The following MSL2 variants were observed in gnomAD, a reference collection of about 807,000 sequenced individuals.
The protein encoded by MSL2 is E3 ubiquitin-protein ligase MSL2.
Under a neutral mutation model 35.8 loss-of-function variants are expected in MSL2, and 2 were observed. The observed-to-expected ratio is 0.06, with a 90% CI of 0.02 to 0.18. The LOEUF (loss-of-function observed/expected upper bound fraction) is 0.18, where lower values mean the gene tolerates loss of function less well. Ranked by LOEUF, MSL2 falls within the 10% of genes least tolerant of loss-of-function variation. The probability of loss-of-function intolerance (pLI) is 1.00; values close to 1 mark genes in which losing one functional copy is unlikely to be tolerated. For synonymous variants in MSL2, 296 were observed against 255.7 expected (o/e 1.16, Z -1.50); for missense variants, 523 against 706.7 (o/e 0.74, Z 2.95).
At chr3:136,154,975 C>T (rs189698707) in intron 1 of MSL2, among the ~76,000 whole-genome samples, 2 of 152,102 alleles carry the variant, frequency 1.3e-5, no homozygotes, top group Admixed American at 6.5e-5. Context: ...TTTGGGAGGC[C>T]GAGGTAGGCA....
chr3:136,152,687 T>C lies in MSL2; in HGVS notation c.194A>G (p.Tyr65Cys). The C allele has an allele frequency of 6.2e-7, 1 of 1,614,154 alleles. No individual in the cohort carries two copies. The highest frequency in any genetic ancestry group is 8.5e-7 in the Non-Finnish European group (1 of 1,180,034). ...CTTGCCTTTACAAGTTTTGCAGACATAATGTTGGCAGGTGGAGTTGGTGGG... is the reference window on the plus strand; with the variant it reads ...CTTGCCTTTACAAGTTTTGCAGACACAATGTTGGCAGGTGGAGTTGGTGGG... ...IAPTNSTCQH[Y>C]VCKTCKGKKM... Residue 65 changes from tyrosine to cysteine, a missense_variant, in exon 2 of 2, where the codon TAT (tyrosine) becomes TGT (cysteine). Physicochemically the swap from Tyr to Cys is radical, Grantham distance 194. Transcript: ENST00000309993.
chr3:136,189,752 G>C (rs1576377852), intron 1 of MSL2, among the ~76,000 whole-genome samples: 1 of 145,966 alleles, frequency 6.9e-6, no homozygotes, highest in Non-Finnish European at 1.5e-5. Context: ...ATTCTTCCCA[G>C]ATCAGAAAAC....
chr3:136,163,396 CT>C (rs1939762866), intron 1 of MSL2, among the ~76,000 whole-genome samples: 1 of 152,198 alleles, frequency 6.6e-6, no homozygotes, highest in Non-Finnish European at 1.5e-5. Context: ...GCACTATCCA[CT>C]GAAGAGGCCT....
Position 136,152,721 on chromosome 3 carries a change from G to C in MSL2, c.160C>G (p.Pro54Ala). 6.2e-7 allele frequency: 1 copy of C among 1,613,830 alleles called. No individual in the cohort carries two copies. Among genetic ancestry groups the C allele is most frequent in the Non-Finnish European group, 8.5e-7 (1 of 1,179,772 alleles). Reference protein sequence around the residue: ...CCVCGHLLQDPIAPTNSTCQH... With the variant: ...CCVCGHLLQDAIAPTNSTCQH... ...CAGGTGGAGTTGGTGGGTGCAATAG[G>C]ATCTTGTAGCAAATGTCCTAAGGGG... Residue 54 changes from proline to alanine, a missense_variant, in exon 2 of 2, where the codon CCT becomes GCT. Pro to Ala is a conservative substitution (Grantham distance 27). This residue lies in a region of MSL2 where 41 missense variants were observed against 83.3 expected (regional missense o/e 0.49). Transcript: ENST00000309993.
In MSL2 at chr3:136,152,376, C is replaced by G; in HGVS notation, c.505G>C (p.Asp169His). ...PLPSTSEPTT[D>H]PQASLSPMSE... Reference sequence around the variant, plus strand: ...ATTGGAGATAAACTAGCTTGAGGATCAGTTGTGGGTTCTGAGGTTGAAGGT... The same window carrying G: ...ATTGGAGATAAACTAGCTTGAGGATGAGTTGTGGGTTCTGAGGTTGAAGGT... The change falls in exon 2 of 2, where the codon GAT (aspartate) becomes CAT (histidine). Residue 169 changes from aspartate (D) to histidine (H), a missense_variant. Around this residue, in one of 5 missense-constraint regions of MSL2, gnomAD observed 361 missense variants for 414.6 expected, o/e 0.87. Coordinates refer to ENST00000309993, the MANE Select transcript of MSL2 (RefSeq NM_018133.4). 1 of 1,614,170 alleles carries G rather than the reference C, an allele frequency of 6.2e-7. No individual in the cohort carries two copies. Among genetic ancestry groups the G allele is most frequent in the South Asian group, 1.1e-5 (1 of 91,078 alleles).
At chr3:136,188,612 T>C (rs970592393) in intron 1 of MSL2, among the ~76,000 whole-genome samples, 1 of 151,420 alleles carries the variant, frequency 6.6e-6, no homozygotes, top group Non-Finnish European at 1.5e-5. Flanking sequence ...TAGCAGGGCA[T>C]TGATGGCGTA....
intron 1 of MSL2, among the ~76,000 whole-genome samples, chr3:136,187,948 AAAAG>A (rs1376020797): frequency 1.1e-4 from 17 of 152,248 alleles, no homozygotes; most frequent in East Asian, 3.9e-4. Context: ...TTTTTTAAAA[AAAAG>A]AAAGAAAGAA....
chr3:136,154,484 TG>T (rs1184176953), intron 1 of MSL2, among the ~76,000 whole-genome samples: 1 of 151,718 alleles, frequency 6.6e-6, no homozygotes, highest in African/African-American at 2.4e-5. Flanking sequence ...TCCAGACAAA[TG>T]GTCAGCAATT....
intron 1 of MSL2, chr3:136,153,103 G>C: frequency 2.1e-6 from 2 of 962,964 alleles, no homozygotes; most frequent in South Asian, 9.6e-5. Context: ...AGCCAGGTGT[G>C]GTGGTGTGTG....
intron 1 of MSL2, among the ~76,000 whole-genome samples, chr3:136,176,966 T>C (rs1167160534): frequency 6.6e-6 from 1 of 152,222 alleles, no homozygotes; most frequent in Non-Finnish European, 1.5e-5. Flanking sequence ...AGAAATGAAC[T>C]TGAGACCAGA....
At chr3:136,157,248 G>C (rs1158409594) in intron 1 of MSL2, among the ~76,000 whole-genome samples, 1 of 151,842 alleles carries the variant, frequency 6.6e-6, no homozygotes, top group Non-Finnish European at 1.5e-5. Context: ...AGGTCAGGAA[G>C]GCGGGCCGAT....
At chr3:136,191,853 G>C (rs538926069) in intron 1 of MSL2, among the ~76,000 whole-genome samples, 4 of 152,072 alleles carry the variant, frequency 2.6e-5, no homozygotes, top group Non-Finnish European at 5.9e-5. Context: ...AGAAGATAAA[G>C]GCAATTGGCA....
chr3:136,179,711 T>A lies in MSL2; in HGVS notation c.142+15261A>T, dbSNP rs952818008. On this transcript the variant is annotated intron_variant, in intron 1 of 1. Coordinates refer to ENST00000309993, the MANE Select transcript of MSL2 (RefSeq NM_018133.4). ...ATACTATAAAGATCATCTTAAAGCA[T>A]ACAAAGACAATTTTATCTAAATTAA... Among the ~76,000 whole-genome samples the A allele has an allele frequency of 2.4e-4, 37 of 152,258 alleles. 1 individual carries two copies. Among genetic ancestry groups the A allele is most frequent in the Admixed American group, 2.4e-3 (37 of 15,288 alleles).
At chr3:136,159,241 A>ACATG (rs754777701) in intron 1 of MSL2, among the ~76,000 whole-genome samples, 241 of 152,260 alleles carry the variant, frequency 1.6e-3, no homozygotes, top group Middle Eastern at 0.01. Flanking sequence ...AAGTATAGAC[A>ACATG]CATGCATCAG....
chr3:136,190,635 T>C (rs568425795), intron 1 of MSL2, among the ~76,000 whole-genome samples: 1 of 152,204 alleles, frequency 6.6e-6, no homozygotes, highest in Non-Finnish European at 1.5e-5. Flanking sequence ...CCATTTAACA[T>C]GACCCTCCAA....
chr3:136,171,452 G>A lies in MSL2; in HGVS notation c.143-18714C>T, dbSNP rs183557449. 9.2e-5 allele frequency among the ~76,000 whole-genome samples: 14 copies of A among 152,316 alleles called. No homozygotes were observed. The East Asian group carries it at 9.7e-4, about 11-fold the overall frequency. On this transcript the variant is annotated intron_variant, in intron 1 of 1. Transcript: ENST00000309993. ...AACCTGGAGGCACACTACTCACAAC[G>A]AAAGCATGTGACCATGAATGAGTTG...
chr3:136,156,266 G>C (rs1939517955), intron 1 of MSL2, among the ~76,000 whole-genome samples: 2 of 152,038 alleles, frequency 1.3e-5, no homozygotes, highest in South Asian at 4.1e-4. Context: ...TCTCTAAAAG[G>C]AAAAAAAGCC....
Position 136,151,074 on chromosome 3 carries a change from A to G in MSL2, c.*73T>C. On this transcript the variant is annotated 3_prime_UTR_variant, in exon 2 of 2. Transcript: ENST00000309993. This position sits in a 1 kb window ranked among gnomAD's most constrained non-coding sequence, Gnocchi z 5.2. ...ATATGCAGGAGCTCCGGCAAGTTAA[A>G]CCAACAGAACCATAGCTGCCGTAAA... 1 of 1,518,360 alleles carries G rather than the reference A, an allele frequency of 6.6e-7. No homozygotes were observed. Among genetic ancestry groups the G allele is most frequent in the Non-Finnish European group, 8.9e-7 (1 of 1,117,796 alleles). 94.1% of individuals were successfully genotyped at this position (1,518,360 alleles called of 1,614,324 possible). A position where few individuals can be genotyped will look rare whatever the true frequency, so the allele number is the denominator to read the frequency against.
At position 136,150,956 on chromosome 3, in the gene MSL2, T is replaced by G. The variant is rs140186714; in HGVS notation, c.*191A>C. The G allele has an allele frequency of 1.5e-4, 87 of 596,234 alleles. No homozygotes were observed. Among genetic ancestry groups the G allele is most frequent in the Non-Finnish European group, 2.4e-4 (82 of 341,330 alleles). 36.9% of individuals were successfully genotyped at this position (596,234 alleles called of 1,614,324 possible). On this transcript the variant is annotated 3_prime_UTR_variant, in exon 2 of 2. Coordinates refer to ENST00000309993, the MANE Select transcript of MSL2 (RefSeq NM_018133.4). Reference sequence around the variant, plus strand: ...AGGTTCTGTAAGAACTAAGGACATATAGTTGTAGGGTTACTCCTCCATTAT... The same window carrying G: ...AGGTTCTGTAAGAACTAAGGACATAGAGTTGTAGGGTTACTCCTCCATTAT...
Sources: allele counts gnomAD v4.1 joint callset (sites outside exome capture counted in the v4.1 genomes callset), GRCh38; gene constraint gnomAD v4.1.1; regional missense constraint gnomAD v4.1.1; non-coding constraint Gnocchi (gnomAD v3.1); transcripts MANE v1.5; gene names NCBI Gene and HGNC (gene_info 2026-07-23, HGNC 2026-07-21).